The following MFF variants were observed in gnomAD, a reference collection of about 807,000 sequenced individuals.
MFF encodes the protein mitochondrial fission factor.
In MFF, 12 loss-of-function variants were observed where a neutral mutation model predicts 36.9. That is an observed-to-expected ratio of 0.33 (90% CI 0.21 to 0.53). MFF has a LOEUF of 0.53. Among genes scored for constraint, MFF ranks in the 20% least tolerant of loss-of-function variants. The probability of loss-of-function intolerance (pLI) is 0.95; values close to 1 mark genes in which losing one functional copy is unlikely to be tolerated. For missense variants in MFF, 348 were observed against 366.6 expected (o/e 0.95, Z 0.42); for synonymous variants, 99 against 126.2 (o/e 0.78, Z 1.44).
At chr2:227,350,732 C>G (rs1316471449) in intron 6 of MFF, among the ~76,000 whole-genome samples, 2 of 152,094 alleles carry the variant, frequency 1.3e-5, no homozygotes, top group African/African-American at 4.8e-5. Context: ...TGTATTTACT[C>G]AAAAAATGTC....
At chr2:227,353,761 G>GTTT (rs2076122692) in intron 7 of MFF, among the ~76,000 whole-genome samples, 2 of 152,016 alleles carry the variant, frequency 1.3e-5, no homozygotes, top group African/African-American at 2.4e-5. Flanking sequence ...TTTGCAAATC[G>GTTT]AGATTTCAGA....
rs564302802 is a variant in MFF, at chr2:227,347,532, T to C, written c.599+148T>C. 8.2e-5 allele frequency: 54 copies of C among 659,486 alleles called. 1 individual carries two copies. The African/African-American group carries it at 9.2e-4, about 11-fold the overall frequency. The allele number at this position is 659,486 out of a possible 1,614,324, so 40.9% of individuals were successfully genotyped here. A position where few individuals can be genotyped will look rare whatever the true frequency, so the allele number is the denominator to read the frequency against. Reference sequence around the variant, plus strand: ...TGAAACAGCTTGCTTTACTTTCTTTTAATTTGAAATTATTGTCCAAAATTC... The same window carrying C: ...TGAAACAGCTTGCTTTACTTTCTTTCAATTTGAAATTATTGTCCAAAATTC... On this transcript the variant is annotated intron_variant, in intron 6 of 8. Transcript: ENST00000304593.
chr2:227,326,734 G>A (rs937641706), intron 1 of MFF, among the ~76,000 whole-genome samples: 1 of 152,324 alleles, frequency 6.6e-6, no homozygotes, highest in South Asian at 2.1e-4. Context: ...GTGCAGAGTG[G>A]CCCATCTGTG....
intron 2 of MFF, chr2:227,329,940 G>C: frequency 2.2e-6 from 1 of 461,402 alleles, no homozygotes; most frequent in Non-Finnish European, 3.9e-6. Flanking sequence ...AAAAACACAT[G>C]TAAATATGAT....
chr2:227,336,769 C>G (rs2075039180), intron 4 of MFF, among the ~76,000 whole-genome samples: 1 of 152,216 alleles, frequency 6.6e-6, no homozygotes, highest in Non-Finnish European at 1.5e-5. Flanking sequence ...CCATGAATGT[C>G]TAGCAGAAGG....
intron 2 of MFF, 48 bp downstream of exon 2, chr2:227,328,837 G>A (rs1483885621): frequency 8.0e-6 from 1 of 124,570 alleles, no homozygotes; most frequent in South Asian, 2.5e-4. Flanking sequence ...TCTTTAAATC[G>A]TCTGCATGCC....
intron 4 of MFF, among the ~76,000 whole-genome samples, chr2:227,334,174 A>C (rs2074812668): frequency 6.6e-6 from 1 of 152,240 alleles, no homozygotes; most frequent in Non-Finnish European, 1.5e-5. Flanking sequence ...TGCCAAGTGC[A>C]TGAGATTGTT....
intron 6 of MFF, among the ~76,000 whole-genome samples, chr2:227,349,982 A>G (rs575593670): frequency 1.3e-4 from 20 of 152,262 alleles, no homozygotes; most frequent in Admixed American, 2.0e-4. Context: ...CTTTATCACT[A>G]TGAAGTAATG....
At chr2:227,344,245 C>A (rs142417378) in intron 5 of MFF, among the ~76,000 whole-genome samples, 1 of 152,284 alleles carries the variant, frequency 6.6e-6, no homozygotes, top group Admixed American at 6.5e-5. Flanking sequence ...TTTATAATAT[C>A]ACTGGAATCA....
intron 1 of MFF, among the ~76,000 whole-genome samples, chr2:227,326,314 A>T (rs529517746): frequency 3.0e-4 from 46 of 151,772 alleles, no homozygotes; most frequent in Non-Finnish European, 6.5e-4. Flanking sequence ...ACTTAAGATG[A>T]TCACAAATGT....
chr2:227,326,754 T>C (rs776937015), intron 1 of MFF, among the ~76,000 whole-genome samples: 1 of 152,208 alleles, frequency 6.6e-6, no homozygotes, highest in African/African-American at 2.4e-5. Context: ...GTGAACTAGG[T>C]CCACGCAGTA....
intron 5 of MFF, chr2:227,342,770 A>G: frequency 6.2e-7 from 1 of 1,613,754 alleles, no homozygotes; most frequent in Non-Finnish European, 8.5e-7. Flanking sequence ...TTCTGCCCCA[A>G]GAAATAAAAT....
intron 5 of MFF, chr2:227,342,968 C>T: frequency 1.8e-6 from 1 of 557,152 alleles, no homozygotes; most frequent in Non-Finnish European, 3.1e-6. Context: ...CAGGATTTCT[C>T]AAACTGTCAT....
intron 6 of MFF, among the ~76,000 whole-genome samples, 189 bp downstream of exon 6, chr2:227,347,573 A>G (rs576155178): frequency 6.6e-6 from 1 of 152,364 alleles, no homozygotes; most frequent in African/African-American, 2.4e-5. Flanking sequence ...TCACAAGATT[A>G]CATTAGCTTT....
intron 7 of MFF, among the ~76,000 whole-genome samples, chr2:227,353,463 A>G (rs1170369201): frequency 6.6e-6 from 1 of 152,174 alleles, no homozygotes. Context: ...AATTGAATTC[A>G]TGGTGGAGGA....
intron 7 of MFF, chr2:227,355,397 T>C: frequency 4.4e-6 from 1 of 228,780 alleles, no homozygotes; most frequent in Non-Finnish European, 8.6e-6. Flanking sequence ...TCGCCAATCC[T>C]TCTGGCTTGA....
Position 227,328,215 on chromosome 2 carries a change from A to G in MFF, c.-152-463A>G, listed in dbSNP as rs1442490007. ...ATAAGACCCTGTCTCAACAAAAAAT[A>G]CAAAAATTAGCTGGGTGTGGTGGCA... is the stretch of plus-strand genomic sequence containing the variant. On this transcript the variant is annotated intron_variant, in intron 1 of 8. Coordinates refer to ENST00000304593, the MANE Select transcript of MFF (RefSeq NM_001277062.2). 4.6e-5 allele frequency among the ~76,000 whole-genome samples: 7 copies of G among 151,526 alleles called. No homozygotes were observed. In the East Asian group the frequency reaches 1.4e-3, roughly 29 times the overall value.
At chr2:227,355,551 AATTC>A in intron 7 of MFF, 122 bp from the exon 8 acceptor site, 1 of 494,110 alleles carries the variant, frequency 2.0e-6, no homozygotes, top group East Asian at 3.2e-5. Context: ...ATATTTTAGT[AATTC>A]ATATTATTAA....
chr2:227,343,281 C>T (rs1481106309), intron 5 of MFF, among the ~76,000 whole-genome samples: 1 of 151,530 alleles, frequency 6.6e-6, no homozygotes, highest in East Asian at 1.9e-4. Context: ...TAGATGAAAA[C>T]GATGCTTGGA....
Sources: allele counts gnomAD v4.1 joint callset (sites outside exome capture counted in the v4.1 genomes callset), GRCh38; gene constraint gnomAD v4.1.1; transcripts MANE v1.5; gene names NCBI Gene and HGNC (gene_info 2026-07-23, HGNC 2026-07-21).